GRIK1: variants seen among roughly 807,000 people sequenced by gnomAD.
GRIK1 encodes glutamate ionotropic receptor kainate type subunit 1.
In GRIK1, 69 loss-of-function variants were observed where a neutral mutation model predicts 105.7. The observed-to-expected ratio is 0.65, with a 90% CI of 0.54 to 0.80. The LOEUF (loss-of-function observed/expected upper bound fraction) is 0.80. GRIK1 is among the 30% of genes least tolerant of loss of function. GRIK1 has a pLI of 0.00. For synonymous variants in GRIK1, 438 were observed against 431.3 expected (o/e 1.02, Z -0.19); for missense variants, 1,109 against 1,167.3 (o/e 0.95, Z 0.73).
chr21:29,931,941 C>G (rs960245029), intron 1 of GRIK1, among the ~76,000 whole-genome samples: 1 of 152,088 alleles, frequency 6.6e-6, no homozygotes, highest in Admixed American at 6.6e-5. Flanking sequence ...GTAGTGAACT[C>G]TTAGTCTCCA....
At chr21:29,911,175 A>C (rs2070801573) in intron 1 of GRIK1, among the ~76,000 whole-genome samples, 1 of 152,014 alleles carries the variant, frequency 6.6e-6, no homozygotes, top group Admixed American at 6.6e-5. Flanking sequence ...AAAAACCCTA[A>C]ATATAGAGAG....
chr21:29,754,177 A>G (rs990483588), intron 1 of GRIK1, among the ~76,000 whole-genome samples: 2 of 152,228 alleles, frequency 1.3e-5, no homozygotes, highest in East Asian at 3.8e-4. Context: ...AAGACAGATT[A>G]CAGCTGGAAC....
intron 1 of GRIK1, among the ~76,000 whole-genome samples, chr21:29,748,555 T>G (rs2145633620): frequency 6.6e-6 from 1 of 152,380 alleles, no homozygotes; most frequent in African/African-American, 2.4e-5. Flanking sequence ...TGCAATGTTT[T>G]ACATTTAATG....
chr21:29,553,380 A>G (rs1399400255), intron 16 of GRIK1: 14 of 1,253,514 alleles, frequency 1.1e-5, no homozygotes, highest in Non-Finnish European at 1.4e-5. Flanking sequence ...GCTTCAACAT[A>G]CAGTGCAAGT....
intron 1 of GRIK1, among the ~76,000 whole-genome samples, chr21:29,787,750 A>G (rs556401913): frequency 6.6e-6 from 1 of 152,346 alleles, no homozygotes; most frequent in African/African-American, 2.4e-5. Flanking sequence ...TTCCAGTGTG[A>G]TGCAACAGAC....
intron 1 of GRIK1, among the ~76,000 whole-genome samples, chr21:29,710,050 AT>A (rs1340318474): frequency 1.3e-5 from 2 of 151,608 alleles, no homozygotes; most frequent in Non-Finnish European, 2.9e-5. Context: ...TATATTATTA[AT>A]TTAATATAAT....
At chr21:29,676,747 A>G (rs1294989598) in intron 3 of GRIK1, among the ~76,000 whole-genome samples, 1 of 152,186 alleles carries the variant, frequency 6.6e-6, no homozygotes, top group Non-Finnish European at 1.5e-5. Context: ...CAAACCCAAT[A>G]GAGGGACATT....
chr21:29,925,308 A>G (rs2071328187), intron 1 of GRIK1, among the ~76,000 whole-genome samples: 1 of 152,084 alleles, frequency 6.6e-6, no homozygotes, highest in Non-Finnish European at 1.5e-5. Context: ...TCCCTTCTCA[A>G]TTCAGCCGCA....
intron 7 of GRIK1, among the ~76,000 whole-genome samples, chr21:29,613,857 AC>A (rs2061782078): frequency 6.6e-6 from 1 of 152,164 alleles, no homozygotes; most frequent in Non-Finnish European, 1.5e-5. Context: ...GGATCCCATA[AC>A]CCTATAATCT....
chr21:29,569,193 T>A (rs1057364382), intron 14 of GRIK1, among the ~76,000 whole-genome samples: 1 of 152,198 alleles, frequency 6.6e-6, no homozygotes, highest in Non-Finnish European at 1.5e-5. Flanking sequence ...AAAATATTTA[T>A]AAATCTAGAG....
chr21:29,551,356 A>G (rs8133221), intron 16 of GRIK1, among the ~76,000 whole-genome samples: 8,074 of 152,280 alleles, frequency 0.053, 318 homozygotes, highest in African/African-American at 0.1. Flanking sequence ...GCTACATATT[A>G]AGAAATTGAG....
intron 1 of GRIK1, among the ~76,000 whole-genome samples, chr21:29,744,066 C>A (rs921105426): frequency 1.3e-5 from 2 of 152,198 alleles, no homozygotes; most frequent in Admixed American, 6.5e-5. Context: ...GCACTTGTAC[C>A]CCTGAACTTA....
At position 29,591,151 on chromosome 21, in the gene GRIK1, A is replaced by C. The variant is rs759750126; in HGVS notation, c.1326T>G (p.Asp442Glu). 1.1e-5 allele frequency: 17 copies of C among 1,609,678 alleles called. No homozygotes were observed. In the African/African-American group the frequency reaches 2.0e-4, roughly 19 times the overall value. ...SNKDKSSNIT[D>E]SLANRTLIVT... ...CAATGAGTGTTCTGTTGGCCAATGA[A>C]TCAGTGATATTGCTGGACTTGTCTT... Residue 442 changes from aspartate to glutamate, a missense_variant, in exon 10 of 18, where the codon GAT becomes GAG. Coordinates refer to ENST00000327783, the MANE Select transcript of GRIK1 (RefSeq NM_001330994.2).
chr21:29,631,374 A>G (rs2062267945), intron 7 of GRIK1, among the ~76,000 whole-genome samples: 1 of 152,228 alleles, frequency 6.6e-6, no homozygotes, highest in South Asian at 2.1e-4. Flanking sequence ...CCTTGTAAGA[A>G]GAGACATACA....
At chr21:29,643,549 G>T (rs1294200845) in intron 6 of GRIK1, among the ~76,000 whole-genome samples, 1 of 152,212 alleles carries the variant, frequency 6.6e-6, no homozygotes, top group Admixed American at 6.5e-5. Context: ...GCAGACAAGT[G>T]CAGCTTGCTC....
intron 1 of GRIK1, among the ~76,000 whole-genome samples, chr21:29,816,836 C>T (rs539246083): frequency 5.3e-4 from 81 of 152,104 alleles, no homozygotes; most frequent in Middle Eastern, 6.8e-3. Context: ...TACAAACATA[C>T]AGTTGAATAG....
intron 1 of GRIK1, among the ~76,000 whole-genome samples, chr21:29,719,265 AT>A (rs1211565928): frequency 4.0e-5 from 6 of 151,330 alleles, no homozygotes; most frequent in Non-Finnish European, 8.8e-5. Flanking sequence ...TCTAGATGAA[AT>A]TTTTTTCCTT....
At chr21:29,612,826 T>C (rs1249374743) in intron 7 of GRIK1, among the ~76,000 whole-genome samples, 1 of 152,250 alleles carries the variant, frequency 6.6e-6, no homozygotes, top group East Asian at 1.9e-4. Context: ...TTTTCACATA[T>C]TGTTTACAAA....
intron 7 of GRIK1, among the ~76,000 whole-genome samples, chr21:29,634,581 A>T (rs2062355865): frequency 6.6e-6 from 1 of 151,842 alleles, no homozygotes. Flanking sequence ...CTCTGAGGAC[A>T]CAAAGATAAA....
Sources: allele counts gnomAD v4.1 joint callset (sites outside exome capture counted in the v4.1 genomes callset), GRCh38; gene constraint gnomAD v4.1.1; transcripts MANE v1.5; gene names NCBI Gene and HGNC (gene_info 2026-07-23, HGNC 2026-07-21).